HS3ST5: variants seen among roughly 807,000 people sequenced by gnomAD.
HS3ST5 encodes heparan sulfate-glucosamine 3-sulfotransferase 5.
Under a neutral mutation model 25.4 loss-of-function variants are expected in HS3ST5, and 10 were observed. The ratio of observed to expected loss-of-function variants is 0.39; its 90% CI spans 0.24 to 0.67. HS3ST5 has a LOEUF of 0.67. Ranked by LOEUF, HS3ST5 falls within the 30% of genes least tolerant of loss-of-function variation. HS3ST5 has a pLI of 0.44. For missense variants in HS3ST5, 324 were observed against 420.7 expected (o/e 0.77, Z 2.01); for synonymous variants, 170 against 162.4 (o/e 1.05, Z -0.36).
In HS3ST5 at chr6:114,282,968, G is replaced by A. The variant is rs542861999; in HGVS notation, c.-338-54190C>T. Reference sequence around the variant, plus strand: ...TATACTTTGGTAGTCAGAGTTCCAGGACTTCTAAACATTTTTCTTTCAAAT... The same window carrying A: ...TATACTTTGGTAGTCAGAGTTCCAGAACTTCTAAACATTTTTCTTTCAAAT... On this transcript the variant is annotated intron_variant, in intron 1 of 4. Coordinates refer to ENST00000312719, the MANE Select transcript of HS3ST5 (RefSeq NM_153612.4). 1.8e-4 allele frequency among the ~76,000 whole-genome samples: 28 copies of A among 151,958 alleles called. No individual in the cohort carries two copies. In the South Asian group the frequency reaches 5.6e-3, roughly 30 times the overall value.
intron 3 of HS3ST5, among the ~76,000 whole-genome samples, chr6:114,160,408 T>A (rs1778892189): frequency 6.6e-6 from 1 of 152,074 alleles, no homozygotes; most frequent in African/African-American, 2.4e-5. Context: ...TCATTTAAGA[T>A]AAGGAAGTTT....
intron 4 of HS3ST5, among the ~76,000 whole-genome samples, chr6:114,061,916 C>T (rs900527696): frequency 2.6e-5 from 4 of 152,090 alleles, no homozygotes; most frequent in East Asian, 3.9e-4. Flanking sequence ...CCATTGCACT[C>T]TAGCTTGGGC....
intron 2 of HS3ST5, among the ~76,000 whole-genome samples, chr6:114,209,828 T>C (rs1288947948): frequency 6.6e-6 from 1 of 152,194 alleles, no homozygotes; most frequent in Non-Finnish European, 1.5e-5. Flanking sequence ...CACATATGAA[T>C]GCTTGTGTAT....
At chr6:114,331,448 G>C (rs1279373939) in intron 1 of HS3ST5, among the ~76,000 whole-genome samples, 3 of 152,068 alleles carry the variant, frequency 2.0e-5, no homozygotes, top group Non-Finnish European at 4.4e-5. Flanking sequence ...ATGTACTTTA[G>C]AGGAAAGCAA....
At chr6:114,098,110 G>A (rs1043698948) in intron 3 of HS3ST5, among the ~76,000 whole-genome samples, 7 of 151,962 alleles carry the variant, frequency 4.6e-5, no homozygotes, top group South Asian at 2.1e-4. Context: ...TAATTCAGAC[G>A]TTTTACTAAG....
At chr6:114,089,411 T>C (rs1775009859) in intron 3 of HS3ST5, among the ~76,000 whole-genome samples, 1 of 152,192 alleles carries the variant, frequency 6.6e-6, no homozygotes, top group Admixed American at 6.5e-5. Flanking sequence ...TTCAATAATT[T>C]TCCTAATTAT....
intron 2 of HS3ST5, among the ~76,000 whole-genome samples, chr6:114,189,164 A>G (rs1001139566): frequency 5.3e-5 from 8 of 152,136 alleles, no homozygotes; most frequent in African/African-American, 1.9e-4. Flanking sequence ...TACCTTCTGA[A>G]ATGATCAATA....
At chr6:114,108,056 G>A (rs1776078621) in intron 3 of HS3ST5, among the ~76,000 whole-genome samples, 1 of 152,160 alleles carries the variant, frequency 6.6e-6, no homozygotes, top group Admixed American at 6.5e-5. Flanking sequence ...ATAAACAGAT[G>A]TGTGTGCGTG....
intron 1 of HS3ST5, among the ~76,000 whole-genome samples, chr6:114,335,332 T>C (rs1231016092): frequency 2.7e-5 from 4 of 150,712 alleles, no homozygotes; most frequent in East Asian, 2.0e-4. Flanking sequence ...AATCTAAGAA[T>C]AGAATTAAAC....
chr6:114,202,090 T>C (rs549655041), intron 2 of HS3ST5, among the ~76,000 whole-genome samples: 3 of 152,002 alleles, frequency 2.0e-5, no homozygotes, highest in Non-Finnish European at 4.4e-5. Context: ...TTGACCACCC[T>C]ATTTAAAACT....
At chr6:114,252,613 A>G (rs1772713735) in intron 1 of HS3ST5, among the ~76,000 whole-genome samples, 1 of 152,090 alleles carries the variant, frequency 6.6e-6, no homozygotes, top group African/African-American at 2.4e-5. Context: ...GAATGTGTTT[A>G]AAAATGAAAA....
chr6:114,188,697 G>C (rs1449965555), intron 2 of HS3ST5, among the ~76,000 whole-genome samples: 1 of 151,856 alleles, frequency 6.6e-6, no homozygotes, highest in African/African-American at 2.4e-5. Flanking sequence ...TGTCACTCTT[G>C]GAGGAAAAGG....
chr6:114,271,579 A>G (rs1773638539), intron 1 of HS3ST5, among the ~76,000 whole-genome samples: 1 of 152,024 alleles, frequency 6.6e-6, no homozygotes, highest in African/African-American at 2.4e-5. Context: ...AAATTAAAGC[A>G]AAAATCTAGT....
intron 3 of HS3ST5, among the ~76,000 whole-genome samples, chr6:114,068,600 TAG>T (rs1198852431): frequency 1.3e-5 from 2 of 152,122 alleles, no homozygotes; most frequent in African/African-American, 4.8e-5. Flanking sequence ...TTAAATCGGG[TAG>T]AGTGTTAACT....
chr6:114,155,417 A>G (rs1778655367), intron 3 of HS3ST5, among the ~76,000 whole-genome samples: 1 of 152,176 alleles, frequency 6.6e-6, no homozygotes, highest in African/African-American at 2.4e-5. Flanking sequence ...ATTCTATTCA[A>G]AACTTGGAAA....
At chr6:114,214,200 G>A (rs1347771627) in intron 2 of HS3ST5, among the ~76,000 whole-genome samples, 2 of 152,154 alleles carry the variant, frequency 1.3e-5, no homozygotes, top group Admixed American at 6.5e-5. Flanking sequence ...AATAAATGTA[G>A]ACTTACAGAC....
At chr6:114,081,681 T>C (rs760337838) in intron 3 of HS3ST5, among the ~76,000 whole-genome samples, 2 of 152,236 alleles carry the variant, frequency 1.3e-5, no homozygotes, top group Non-Finnish European at 2.9e-5. Flanking sequence ...CCAGTTCCAA[T>C]ATCTCCTCCA....
At chr6:114,266,894 G>T (rs570862705) in intron 1 of HS3ST5, among the ~76,000 whole-genome samples, 1 of 152,214 alleles carries the variant, frequency 6.6e-6, no homozygotes, top group South Asian at 2.1e-4. Context: ...ATTCAGTTTC[G>T]ATTGCAAAAA....
intron 1 of HS3ST5, among the ~76,000 whole-genome samples, chr6:114,248,955 T>C (rs1772515767): frequency 6.6e-6 from 1 of 152,230 alleles, no homozygotes; most frequent in South Asian, 2.1e-4. Context: ...ACATTGTTTA[T>C]ACCAACTATC....
Sources: allele counts gnomAD v4.1 joint callset (sites outside exome capture counted in the v4.1 genomes callset), GRCh38; gene constraint gnomAD v4.1.1; transcripts MANE v1.5; gene names NCBI Gene and HGNC (gene_info 2026-07-23, HGNC 2026-07-21).